The following NCKAP5 variants were observed in gnomAD, a reference collection of about 807,000 sequenced individuals.
The protein encoded by NCKAP5 is nck-associated protein 5.
NCKAP5 carries 92 observed loss-of-function variants against 167.0 expected under a neutral mutation model. That is an observed-to-expected ratio of 0.55 (90% confidence interval 0.47 to 0.66). The LOEUF is 0.66. Ranked by LOEUF, NCKAP5 falls within the 30% of genes least tolerant of loss-of-function variation. The pLI is 0.00. For synonymous variants in NCKAP5, 891 were observed against 877.4 expected, an observed-to-expected ratio of 1.02 and a Z score of -0.27; for missense variants, 2,378 against 2,315.0, an observed-to-expected ratio of 1.03 and a Z score of -0.56.
chr2:133,228,908 G>A (rs1456623775), intron 4 of NCKAP5, among the ~76,000 whole-genome samples: 1 of 152,160 alleles, frequency 6.6e-6, no homozygotes, highest in Admixed American at 6.5e-5. Context: ...TACCTGATTT[G>A]ACAAGTAGCT....
At chr2:132,776,026 A>G (rs1462615436) in intron 15 of NCKAP5, among the ~76,000 whole-genome samples, 1 of 152,226 alleles carries the variant, frequency 6.6e-6, no homozygotes, top group Non-Finnish European at 1.5e-5. Flanking sequence ...CAGATAAAGA[A>G]AAAGGAGCTT....
intron 6 of NCKAP5, among the ~76,000 whole-genome samples, chr2:133,107,452 A>C (rs1226671616): frequency 6.6e-6 from 1 of 152,262 alleles, no homozygotes; most frequent in African/African-American, 2.4e-5. Flanking sequence ...GACTTGCAAT[A>C]AAACTACACA....
chr2:132,696,564 G>C (rs78133792), intron 19 of NCKAP5, among the ~76,000 whole-genome samples: 1,819 of 152,244 alleles, frequency 0.012, 41 homozygotes, highest in African/African-American at 0.04. Context: ...GTTCAGCCAA[G>C]TTAAGAAGTT....
rs563719091 is a variant in NCKAP5, at chr2:133,519,047, C to T, written c.-61-1460G>A. 5.9e-5 allele frequency among the ~76,000 whole-genome samples: 9 copies of T among 152,284 alleles called. No individual in the cohort carries two copies. In the East Asian group the frequency reaches 1.5e-3, roughly 26 times the overall value. ...TTCCACAACTCTCAATTGCTCCAAG[C>T]CTGACATGGATCAAACAGGCAGGAT... On this transcript the variant is annotated intron_variant, in intron 2 of 19. Transcript: ENST00000409261.
intron 16 of NCKAP5, among the ~76,000 whole-genome samples, chr2:132,768,460 T>C (rs1175529699): frequency 6.6e-6 from 1 of 152,162 alleles, no homozygotes; most frequent in Non-Finnish European, 1.5e-5. Context: ...GAAAGAATAA[T>C]TAGAAATACA....
At chr2:133,107,509 C>T (rs1486005386) in intron 6 of NCKAP5, among the ~76,000 whole-genome samples, 1 of 152,152 alleles carries the variant, frequency 6.6e-6, no homozygotes, top group African/African-American at 2.4e-5. Context: ...TCCATATGTT[C>T]TTTTGCTGAA....
the NCKAP5 span, among the ~76,000 whole-genome samples, chr2:133,624,381 A>G: frequency 6.6e-6 from 1 of 152,044 alleles, no homozygotes; most frequent in Non-Finnish European, 1.5e-5. Flanking sequence ...CTCACGTCTC[A>G]TCTCTTAGGA....
intron 3 of NCKAP5, among the ~76,000 whole-genome samples, chr2:133,329,511 T>TA (rs1384477608): frequency 6.6e-6 from 1 of 151,852 alleles, no homozygotes; most frequent in East Asian, 1.9e-4. Flanking sequence ...AAAAGGAGAA[T>TA]AAATCTGACA....
chr2:133,153,629 A>G (rs1480342558), intron 5 of NCKAP5, among the ~76,000 whole-genome samples: 5 of 152,008 alleles, frequency 3.3e-5, no homozygotes, highest in Admixed American at 1.3e-4. Flanking sequence ...GGCATACAAC[A>G]TAAAGCCCTC....
In NCKAP5 at chr2:132,783,453, A is replaced by T; in HGVS notation, c.3358T>A (p.Ser1120Thr). The T allele has an allele frequency of 3.1e-6, 5 of 1,588,342 alleles. No individual in the cohort carries two copies. The highest frequency in any genetic ancestry group is 4.3e-6 in the Non-Finnish European group (5 of 1,167,312). The change falls in exon 14 of 20, where the codon TCA (serine) becomes ACA (threonine). Residue 1120 changes from serine (S) to threonine (T), a missense_variant. By Grantham distance (58) the Ser-to-Thr change is moderately conservative. Coordinates refer to ENST00000409261, the MANE Select transcript of NCKAP5 (RefSeq NM_207363.3). ...SPSSQVSSSS[S>T]SSSPAKSHNS... Reference sequence around the variant, plus strand: ...TGGCTTTTGGCGGGTGATGAGGATGATGAGGAACTGCTGACCTGAGATGAT... The same window carrying T: ...TGGCTTTTGGCGGGTGATGAGGATGTTGAGGAACTGCTGACCTGAGATGAT...
Position 132,783,790 on chromosome 2 carries a change from G to A in NCKAP5, c.3021C>T (p.His1007=). ...TGACTGCTTCTGGGGAGGGCATAGGGTGAGTGAAGATAGGCTTTTTGAAGG... is the reference window on the plus strand; with the variant it reads ...TGACTGCTTCTGGGGAGGGCATAGGATGAGTGAAGATAGGCTTTTTGAAGG... ...SVAFKKPIFT[H]PMPSPEAVIQ... is the part of the protein sequence containing the mutation. The change falls in exon 14 of 20, where the codon CAC becomes CAT. Residue 1007 remains histidine (H), a synonymous_variant. Transcript: ENST00000409261. 1.3e-6 allele frequency: 2 copies of A among 1,553,748 alleles called. No homozygotes were observed. The highest frequency in any genetic ancestry group is 1.7e-6 in the Non-Finnish European group (2 of 1,152,374).
the NCKAP5 span, among the ~76,000 whole-genome samples, chr2:133,605,804 T>C: frequency 9.9e-5 from 15 of 152,216 alleles, no homozygotes; most frequent in Non-Finnish European, 5.9e-5. Flanking sequence ...TTTTTGGTCA[T>C]ATTTAAAATT....
At chr2:132,990,698 T>TA (rs1399151712) in intron 7 of NCKAP5, among the ~76,000 whole-genome samples, 1 of 152,134 alleles carries the variant, frequency 6.6e-6, no homozygotes, top group Non-Finnish European at 1.5e-5. Context: ...ACTGGAAAGA[T>TA]AGAGGCAAGG....
intron 8 of NCKAP5, chr2:132,926,253 T>C (rs1455529564): frequency 6.3e-6 from 2 of 316,836 alleles, no homozygotes; most frequent in Non-Finnish European, 1.3e-5. Flanking sequence ...TAGTATTCCA[T>C]TGTGTGTATA....
intron 8 of NCKAP5, among the ~76,000 whole-genome samples, chr2:132,917,411 T>C (rs185117117): frequency 9.8e-5 from 15 of 152,334 alleles, no homozygotes; most frequent in Non-Finnish European, 1.9e-4. Context: ...AAAATGATAG[T>C]TCATAGCCCT....
At chr2:133,538,940 T>G (rs1200067476) in intron 2 of NCKAP5, among the ~76,000 whole-genome samples, 22 of 134,392 alleles carry the variant, frequency 1.6e-4, no homozygotes, top group East Asian at 1.1e-3. Context: ...GGTTTTTTTT[T>G]TTTTTTTTTT....
chr2:132,868,096 G>A (rs1247088375), intron 10 of NCKAP5, among the ~76,000 whole-genome samples: 1 of 152,010 alleles, frequency 6.6e-6, no homozygotes, highest in African/African-American at 2.4e-5. Flanking sequence ...AATCAAAATG[G>A]CATAAATTAT....
intron 19 of NCKAP5, among the ~76,000 whole-genome samples, chr2:132,694,103 T>TTTTA (rs140401537): frequency 0.41 from 59,784 of 146,880 alleles, 12,738 homozygotes; most frequent in East Asian, 0.48. Context: ...GTTTTAAGTG[T>TTTTA]TTTATTTATT....
intron 3 of NCKAP5, among the ~76,000 whole-genome samples, chr2:133,359,401 A>G (rs1434703167): frequency 6.6e-6 from 1 of 152,192 alleles, no homozygotes; most frequent in African/African-American, 2.4e-5. Context: ...CTGAAATCTT[A>G]TGCATAATTA....
Sources: gnomAD v4.1 joint callset for allele counts (sites outside exome capture counted in the v4.1 genomes callset) on GRCh38, gnomAD v4.1.1 for gene constraint, MANE v1.5 for transcripts, NCBI Gene and HGNC (gene_info 2026-07-23, HGNC 2026-07-21) for gene names.